VPS37A: variants seen among roughly 807,000 people sequenced by gnomAD.
VPS37A encodes the protein VPS37A subunit of ESCRT-I.
A neutral mutation model predicts 49.8 loss-of-function variants in VPS37A; 30 were observed. That is an observed-to-expected ratio of 0.60 (90% CI 0.45 to 0.82). VPS37A has a LOEUF of 0.82. VPS37A is among the 40% of genes least tolerant of loss of function. The pLI is 0.00. For missense variants in VPS37A, 593 were observed against 464.4 expected (o/e 1.28, Z -2.55); for synonymous variants, 195 against 160.6 (o/e 1.21, Z -1.62).
intron 1 of VPS37A, chr8:17,247,948 T>A (rs1362258789): frequency 1.7e-6 from 1 of 594,082 alleles, no homozygotes; most frequent in Admixed American, 3.0e-5. Flanking sequence ...TGCATGTACA[T>A]TTCTCACTTC....
chr8:17,307,178 C>CA (rs1458753605), downstream of VPS37A, among the ~76,000 whole-genome samples: 5 of 151,820 alleles, frequency 3.3e-5, no homozygotes, highest in Non-Finnish European at 7.4e-5. Context: ...AAAATGAACT[C>CA]AAACAAATTT....
chr8:17,281,649 CA>C (rs570336130), intron 9 of VPS37A, among the ~76,000 whole-genome samples: 2 of 150,138 alleles, frequency 1.3e-5, no homozygotes, highest in African/African-American at 4.9e-5. Context: ...ACTGCAAGAC[CA>C]AAAAAAAGTG....
At chr8:17,281,056 G>A (rs1419671935) in intron 9 of VPS37A, among the ~76,000 whole-genome samples, 1 of 151,644 alleles carries the variant, frequency 6.6e-6, no homozygotes, top group Admixed American at 6.6e-5. Flanking sequence ...ACATAAAATA[G>A]ACATAAACCA....
In VPS37A at chr8:17,268,366, A is replaced by T; in HGVS notation, c.309A>T (p.Val103=). Residue 103 remains valine, a synonymous_variant, in exon 3 of 12, where the codon GTA becomes GTT. Transcript: ENST00000324849. ...KQGVYVTSPL[V]NNFTMHSDLG... is the part of the protein sequence containing the mutation. The stretch of plus-strand genomic sequence containing the variant: ...GAGTGTATGTTACCTCTCCATTAGT[A>T]AACAATGTATGTATATGGGATAATT... The T allele has an allele frequency of 6.3e-7, 1 of 1,597,778 alleles. No individual in the cohort carries two copies. Among genetic ancestry groups the T allele is most frequent in the African/African-American group, 1.3e-5 (1 of 74,736 alleles).
intron 4 of VPS37A, among the ~76,000 whole-genome samples, chr8:17,271,477 G>C (rs1347735539): frequency 1.3e-5 from 2 of 152,086 alleles, no homozygotes; most frequent in East Asian, 3.9e-4. Flanking sequence ...ATGGTGGTGG[G>C]CACCTGTAGT....
chr8:17,275,100 A>G, intron 5 of VPS37A, 142 bp downstream of exon 5: 1 of 746,578 alleles, frequency 1.3e-6, no homozygotes, highest in Non-Finnish European at 2.1e-6. Context: ...AATTCAAGTA[A>G]CAGGTAACCA....
chr8:17,288,240 GCTTT>G (rs1172541143), intron 11 of VPS37A, among the ~76,000 whole-genome samples: 1 of 151,950 alleles, frequency 6.6e-6, no homozygotes, highest in African/African-American at 2.4e-5. Context: ...TTATTATTAT[GCTTT>G]AAGTTCTGGG....
chr8:17,315,651 C>T, the VPS37A span, among the ~76,000 whole-genome samples: 2 of 152,016 alleles, frequency 1.3e-5, no homozygotes, highest in Non-Finnish European at 2.9e-5. Flanking sequence ...TCTTTAAAAA[C>T]ATGATAATGT....
At chr8:17,309,421 A>G in the VPS37A span, 5 of 836,044 alleles carry the variant, frequency 6.0e-6, no homozygotes, top group African/African-American at 5.1e-5. Flanking sequence ...AGGCACTTGC[A>G]GAAGTCCCCA....
At chr8:17,298,803 G>A (rs1377148276), downstream of VPS37A, 2 of 152,528 alleles carry the variant, frequency 1.3e-5, no homozygotes, top group Non-Finnish European at 2.9e-5. Flanking sequence ...TCCCTTAAAT[G>A]TGCAGTGTAA....
At chr8:17,331,625 C>T in the VPS37A span, among the ~76,000 whole-genome samples, 1 of 152,174 alleles carries the variant, frequency 6.6e-6, no homozygotes, top group Non-Finnish European at 1.5e-5. Flanking sequence ...AATTTAATAC[C>T]ACACATAACC....
rs192878086 is a variant in VPS37A, at chr8:17,270,185, C to T, written c.416+1229C>T. On this transcript the variant is annotated intron_variant, in intron 4 of 11. Transcript: ENST00000324849. ...AGTCACCTCCCAGCAGGCCCCACCT[C>T]CAACATTGGGGATTGCAATTCAGTA... Among the ~76,000 whole-genome samples the T allele has an allele frequency of 2.1e-3, 317 of 152,170 alleles. 1 individual carries two copies. The highest frequency in any genetic ancestry group is 7.2e-3 in the African/African-American group (298 of 41,524).
At chr8:17,309,732 G>T in the VPS37A span, among the ~76,000 whole-genome samples, 2 of 152,152 alleles carry the variant, frequency 1.3e-5, no homozygotes, top group Non-Finnish European at 2.9e-5. Context: ...CACAGCCCAG[G>T]TCTCTCCACT....
At chr8:17,268,439 T>C (rs1813674038) in intron 3 of VPS37A, 67 bp downstream of exon 3, 2 of 1,219,140 alleles carry the variant, frequency 1.6e-6, no homozygotes, top group Non-Finnish European at 1.1e-6. Flanking sequence ...CTAAATATTT[T>C]AGAAATCTGA....
intron 1 of VPS37A, among the ~76,000 whole-genome samples, chr8:17,263,482 ATCACCTTC>A (rs1813152998): frequency 6.6e-6 from 1 of 152,128 alleles, no homozygotes; most frequent in African/African-American, 2.4e-5. Flanking sequence ...TATTATAAGT[ATCACCTTC>A]TGTTATTTGT....
At chr8:17,248,081 T>C (rs1263306774) in intron 1 of VPS37A, 2 of 388,460 alleles carry the variant, frequency 5.1e-6, no homozygotes. Flanking sequence ...ATTCATATTA[T>C]TTCAACTTTT....
chr8:17,272,802 C>A (rs979896766), intron 4 of VPS37A, among the ~76,000 whole-genome samples: 1 of 151,898 alleles, frequency 6.6e-6, no homozygotes, highest in South Asian at 2.1e-4. Flanking sequence ...CATATATTCA[C>A]CTGGCTCAAA....
chr8:17,257,136 C>G (rs1812538590), intron 1 of VPS37A, among the ~76,000 whole-genome samples: 1 of 152,128 alleles, frequency 6.6e-6, no homozygotes, highest in Non-Finnish European at 1.5e-5. Flanking sequence ...TTTCATTCTT[C>G]AGCATATAGT....
intron 1 of VPS37A, 41 bp downstream of exon 1, chr8:17,247,410 TGGGA>T: frequency 8.5e-5 from 5 of 58,560 alleles, no homozygotes; most frequent in Non-Finnish European, 1.3e-4. Flanking sequence ...AAAAGTAGGG[TGGGA>T]GGGCGGGCTT....
Sources: allele counts gnomAD v4.1 joint callset (sites outside exome capture counted in the v4.1 genomes callset), GRCh38; gene constraint gnomAD v4.1.1; transcripts MANE v1.5; gene names NCBI Gene and HGNC (gene_info 2026-07-23, HGNC 2026-07-21).